The following RIOX2 variants were observed in gnomAD, a reference collection of about 807,000 sequenced individuals.
RIOX2 encodes the protein 60S ribosomal protein L27a histidine hydroxylase.
Under a neutral mutation model 51.2 loss-of-function variants are expected in RIOX2, and 43 were observed. That is an observed-to-expected ratio of 0.84 (90% CI 0.66 to 1.08). RIOX2 has a LOEUF of 1.08. RIOX2 is among the 50% of genes least tolerant of loss of function. The probability of loss-of-function intolerance (pLI) is 0.00; values close to 1 mark genes in which losing one functional copy is unlikely to be tolerated. For missense variants in RIOX2, 566 were observed against 561.7 expected (o/e 1.01, Z -0.08); for synonymous variants, 226 against 218.5 (o/e 1.03, Z -0.30).
At chr3:97,953,669 C>A (rs1355563678) in intron 5 of RIOX2, among the ~76,000 whole-genome samples, 1 of 152,180 alleles carries the variant, frequency 6.6e-6, no homozygotes, top group African/African-American at 2.4e-5. Context: ...AGGAGTGAGC[C>A]ACCACGCCTG....
chr3:97,967,405 G>T lies in RIOX2; in HGVS notation c.189C>A (p.Pro63=). ...TFFKEFWEQK[P]LLIQRDDPAL... ...CAGGGTCATCTCTCTGAATGAGAAG[G>T]GGCTTCTGCTCCCAGAATTCCTTGA... The change falls in exon 2 of 10, where the codon CCC becomes CCA. Residue 63 remains proline, a synonymous_variant. Transcript: ENST00000394198. 2 of 1,614,070 alleles carry T rather than the reference G, an allele frequency of 1.2e-6. No individual in the cohort carries two copies. Among genetic ancestry groups the T allele is most frequent in the Non-Finnish European group, 1.7e-6 (2 of 1,180,024 alleles).
At chr3:97,951,857 A>C (rs1410088401) in intron 5 of RIOX2, among the ~76,000 whole-genome samples, 1 of 152,188 alleles carries the variant, frequency 6.6e-6, no homozygotes, top group Non-Finnish European at 1.5e-5. Context: ...TGCATCTTTA[A>C]TTGAGTCTCA....
intron 1 of RIOX2, 101 bp from the exon 2 acceptor site, chr3:97,967,733 C>T: frequency 6.4e-6 from 5 of 784,870 alleles, no homozygotes; most frequent in Middle Eastern, 2.9e-4. Flanking sequence ...ATTACACCTT[C>T]GTGAGAACTC....
intron 1 of RIOX2, 160 bp downstream of exon 1, chr3:97,972,221 C>G (rs558861101): frequency 6.6e-6 from 1 of 151,182 alleles, no homozygotes; most frequent in South Asian, 2.1e-4. Context: ...TCCCAGGTCC[C>G]GCAACCACAG....
At position 97,949,884 on chromosome 3, in the gene RIOX2, G is replaced by C. The variant is rs758631691; in HGVS notation, c.1020C>G (p.Pro340=). The change falls in exon 7 of 10, where the codon CCC becomes CCG. Residue 340 remains proline (P), a synonymous_variant. Transcript: ENST00000394198. ...MKKDFIMHRL[P]PYSAGDGAEL... ...CTGCCCCATCTCCCGCAGAGTAAGGGGGGAGTCTGTGCATAATAAAATCCT... is the reference window on the plus strand; with the variant it reads ...CTGCCCCATCTCCCGCAGAGTAAGGCGGGAGTCTGTGCATAATAAAATCCT... 8.7e-6 allele frequency: 14 copies of C among 1,613,720 alleles called. No individual in the cohort carries two copies. The highest frequency in any genetic ancestry group is 1.1e-5 in the South Asian group (1 of 91,062).
chr3:97,951,457 C>T (rs751683672), intron 5 of RIOX2, among the ~76,000 whole-genome samples: 5 of 152,018 alleles, frequency 3.3e-5, no homozygotes, highest in East Asian at 1.9e-4. Flanking sequence ...GTGGTTTTAC[C>T]GGGGGATAGA....
chr3:97,950,152 C>T (rs1297061075), intron 6 of RIOX2, 137 bp from the exon 7 acceptor site: 11 of 753,960 alleles, frequency 1.5e-5, no homozygotes, highest in African/African-American at 1.1e-4. Flanking sequence ...GAAGGGACAA[C>T]CTGAGCCCCT....
rs2040267015 is a variant in RIOX2 at position 97,943,048 on chromosome 3, C to G, written c.*2136G>C. 1.8e-6 allele frequency: 1 copy of G among 567,786 alleles called. No homozygotes were observed. Among genetic ancestry groups the G allele is most frequent in the South Asian group, 2.3e-5 (1 of 44,248 alleles). 35.2% of individuals were successfully genotyped at this position (567,786 alleles called of 1,614,324 possible). A position where few individuals can be genotyped will look rare whatever the true frequency, so the allele number is the denominator to read the frequency against. ...ATTTCAATTTGAGTCATAATAAGGT[C>G]CAATTTGAGGTGAATAATGGCTAAG... is the stretch of plus-strand genomic sequence containing the variant. On this transcript the variant is annotated 3_prime_UTR_variant, in exon 10 of 10. Coordinates refer to ENST00000394198, the MANE Select transcript of RIOX2 (RefSeq NM_153182.4).
rs530385804 is a variant in RIOX2, at chr3:97,960,880, T to TC, written c.552+708dup. ...AAGGGCCTGGGGAGATAGGAAAACT[T>TC]CGAGTTTTTTATTCTTTATTCAGTC... On this transcript the variant is annotated intron_variant, in intron 3 of 9. Coordinates refer to ENST00000394198, the MANE Select transcript of RIOX2 (RefSeq NM_153182.4). 4.6e-5 allele frequency among the ~76,000 whole-genome samples: 7 copies of TC among 152,296 alleles called. No homozygotes were observed. The East Asian group carries it at 1.3e-3, about 29-fold the overall frequency.
Position 97,967,252 on chromosome 3 carries a change from A to G in RIOX2, c.342T>C (p.Asn114=). ...GAAGAAAGTGTGCTTTGCCATCTTT[A>G]TTTAAAACCTTCTTCTTCCCATTGA... The part of the protein sequence containing the change: ...RCVNGKKKVL[N]KDGKAHFLQL... The change falls in exon 2 of 10, where the codon AAT becomes AAC. Residue 114 remains asparagine (N), a synonymous_variant. Transcript: ENST00000394198. 9.3e-6 allele frequency: 15 copies of G among 1,614,166 alleles called. No individual in the cohort carries two copies. The highest frequency in any genetic ancestry group is 1.3e-5 in the Non-Finnish European group (15 of 1,180,032).
intron 2 of RIOX2, among the ~76,000 whole-genome samples, chr3:97,962,511 C>G (rs1705724662): frequency 6.6e-6 from 1 of 151,992 alleles, no homozygotes; most frequent in South Asian, 2.1e-4. Context: ...AAGGTACAGA[C>G]AGAGAAGAAA....
intron 2 of RIOX2, among the ~76,000 whole-genome samples, chr3:97,965,267 T>C (rs1705845169): frequency 6.8e-6 from 1 of 146,556 alleles, no homozygotes; most frequent in Admixed American, 6.9e-5. Context: ...ATCCCAGCAC[T>C]TTGGGAAGCT....
intron 4 of RIOX2, among the ~76,000 whole-genome samples, chr3:97,956,440 T>C (rs565291944): frequency 6.6e-6 from 1 of 152,232 alleles, no homozygotes; most frequent in East Asian, 1.9e-4. Flanking sequence ...GAGTTTGTGG[T>C]AATTTGACAA....
chr3:97,972,420 T>A lies in RIOX2; in HGVS notation c.-79A>T, dbSNP rs1706173278. 1 of 150,490 alleles carries A rather than the reference T, an allele frequency of 6.6e-6. No homozygotes were observed. The highest frequency in any genetic ancestry group is 1.5e-5 in the Non-Finnish European group (1 of 67,504). The allele number at this position is 150,490 out of a possible 1,614,324, so 9.3% of individuals were successfully genotyped here. On this transcript the variant is annotated 5_prime_UTR_variant, in exon 1 of 10. Coordinates refer to ENST00000394198, the MANE Select transcript of RIOX2 (RefSeq NM_153182.4). ...TGCTCGCGGCCGCGAGCCCACTGCG[T>A]TGCGGCGCAGCGGCTGGAGGCGGGG...
rs557751791 is a variant in RIOX2, at chr3:97,961,052, A to G, written c.552+537T>C. ...GGACAAAAATAAAACTATGGAATAC[A>G]TAAGCCAAAGAGTTAAATTTTTTTG... On this transcript the variant is annotated intron_variant, in intron 3 of 9. Coordinates refer to ENST00000394198, the MANE Select transcript of RIOX2 (RefSeq NM_153182.4). Among the ~76,000 whole-genome samples the G allele has an allele frequency of 9.4e-4, 143 of 152,358 alleles. 2 individuals are homozygous for G. Among genetic ancestry groups the G allele is most frequent in the Non-Finnish European group, 1.0e-4 (7 of 68,038 alleles).
At chr3:97,956,635 A>G (rs1705461735) in intron 4 of RIOX2, among the ~76,000 whole-genome samples, 1 of 152,080 alleles carries the variant, frequency 6.6e-6, no homozygotes, top group East Asian at 1.9e-4. Context: ...AGCTGGGATT[A>G]CAGGCATGAG....
chr3:97,944,971 G>T lies in RIOX2; in HGVS notation c.*213C>A, dbSNP rs1323549630. ...AATAAACTTGTCAAAATATGGTTTTGTCATTTTCTGAGACACTTGGTAATT... is the reference window on the plus strand; with the variant it reads ...AATAAACTTGTCAAAATATGGTTTTTTCATTTTCTGAGACACTTGGTAATT... On this transcript the variant is annotated 3_prime_UTR_variant, in exon 10 of 10. Transcript: ENST00000394198. 5 of 388,120 alleles carry T rather than the reference G, an allele frequency of 1.3e-5. No homozygotes were observed. In the East Asian group the frequency reaches 2.0e-4, roughly 16 times the overall value. The allele number at this position is 388,120 out of a possible 1,614,324, so 24.0% of individuals were successfully genotyped here. A position where few individuals can be genotyped will look rare whatever the true frequency, so the allele number is the denominator to read the frequency against.
rs181518592 is a variant in RIOX2, at chr3:97,961,586, T to G, written c.552+3A>C. On this transcript the variant is annotated splice_donor_region_variant and intron_variant, in intron 3 of 9. Coordinates refer to ENST00000394198, the MANE Select transcript of RIOX2 (RefSeq NM_153182.4). ...ACATGGGGCAATTTTCTCCATCTCT[T>G]ACCTCGACATCATCATAATGGGGCG... 2 of 1,595,126 alleles carry G rather than the reference T, an allele frequency of 1.3e-6. No individual in the cohort carries two copies. Among genetic ancestry groups the G allele is most frequent in the African/African-American group, 1.4e-5 (1 of 73,896 alleles).
Position 97,944,472 on chromosome 3 carries a change from C to A in RIOX2, c.*712G>T, listed in dbSNP as rs776762772. ...TATTTTTATAAAGAAAGATTAAATTCTCCAATGATATTTTAAAAAATATCA... is the reference window on the plus strand; with the variant it reads ...TATTTTTATAAAGAAAGATTAAATTATCCAATGATATTTTAAAAAATATCA... On this transcript the variant is annotated 3_prime_UTR_variant, in exon 10 of 10. Transcript: ENST00000394198. 114 of 152,298 alleles carry A rather than the reference C, an allele frequency of 7.5e-4. No individual in the cohort carries two copies. The highest frequency in any genetic ancestry group is 1.1e-3 in the Non-Finnish European group (74 of 67,900). The allele number at this position is 152,298 out of a possible 1,614,324, so 9.4% of individuals were successfully genotyped here. A position where few individuals can be genotyped will look rare whatever the true frequency, so the allele number is the denominator to read the frequency against.
Sources: allele counts gnomAD v4.1 joint callset (sites outside exome capture counted in the v4.1 genomes callset), GRCh38; gene constraint gnomAD v4.1.1; transcripts MANE v1.5; gene names NCBI Gene and HGNC (gene_info 2026-07-23, HGNC 2026-07-21).